Variants in DLGAP2 observed in about 807,000 individuals in gnomAD.
DLGAP2 encodes the protein DLG associated protein 2.
DLGAP2 carries 26 observed loss-of-function variants against 100.3 expected under a neutral mutation model. That is an observed-to-expected ratio of 0.26 (90% CI 0.19 to 0.36). DLGAP2 has a LOEUF of 0.36. Among genes scored for constraint, DLGAP2 ranks in the 10% least tolerant of loss-of-function variants. DLGAP2 has a pLI of 1.00. For synonymous variants in DLGAP2, 886 were observed against 630.1 expected (o/e 1.41, Z -6.08); for missense variants, 1,858 against 1,453.2 (o/e 1.28, Z -4.53).
At chr8:1,669,085 G>C (rs1288130653) in intron 9 of DLGAP2, among the ~76,000 whole-genome samples, 1 of 152,220 alleles carries the variant, frequency 6.6e-6, no homozygotes, top group Non-Finnish European at 1.5e-5. Flanking sequence ...TGTGGCCAAA[G>C]AATTGAGTGG....
intron 3 of DLGAP2, among the ~76,000 whole-genome samples, chr8:1,431,388 G>A (rs1797431294): frequency 6.6e-6 from 1 of 152,222 alleles, no homozygotes; most frequent in Admixed American, 6.5e-5. Context: ...TCTGATCCAT[G>A]CTGACAACCT....
intron 3 of DLGAP2, among the ~76,000 whole-genome samples, chr8:1,452,927 T>G (rs904421910): frequency 5.3e-5 from 8 of 152,176 alleles, no homozygotes; most frequent in African/African-American, 1.9e-4. Flanking sequence ...GCCCCCACCA[T>G]GCAGTGGATC....
At chr8:815,783 G>C (rs1455083661) in intron 1 of DLGAP2, among the ~76,000 whole-genome samples, 1 of 152,190 alleles carries the variant, frequency 6.6e-6, no homozygotes, top group African/African-American at 2.4e-5. Flanking sequence ...ATACTGAAAG[G>C]AGGACAAGAG....
intron 1 of DLGAP2, among the ~76,000 whole-genome samples, chr8:835,925 C>G (rs2132708280): frequency 6.6e-6 from 1 of 152,254 alleles, no homozygotes; most frequent in East Asian, 1.9e-4. Context: ...GTGTATCCAT[C>G]CCTTCATGTA....
chr8:1,366,202 G>A (rs976046263), intron 3 of DLGAP2, among the ~76,000 whole-genome samples: 12 of 152,296 alleles, frequency 7.9e-5, no homozygotes, highest in African/African-American at 2.9e-4. Flanking sequence ...ATTCTAATGT[G>A]CTGCTTTCTG....
intron 2 of DLGAP2, among the ~76,000 whole-genome samples, chr8:1,182,463 C>T (rs779468116): frequency 1.2e-4 from 19 of 152,030 alleles, no homozygotes; most frequent in Non-Finnish European, 2.2e-4. Flanking sequence ...ATGTGGGTTG[C>T]TGAATTCTCG....
intron 8 of DLGAP2, among the ~76,000 whole-genome samples, chr8:1,658,115 A>C (rs1174036987): frequency 6.6e-6 from 1 of 152,110 alleles, no homozygotes; most frequent in African/African-American, 2.4e-5. Flanking sequence ...GTTCGCAAAA[A>C]GACTGGCCCT....
chr8:1,682,341 G>A (rs1331467955), intron 12 of DLGAP2, among the ~76,000 whole-genome samples: 2 of 152,198 alleles, frequency 1.3e-5, no homozygotes, highest in African/African-American at 2.4e-5. Flanking sequence ...GTCATGGTAA[G>A]TCCTGGTTTT....
At position 1,067,575 on chromosome 8, in the gene DLGAP2, G is replaced by A. The variant is rs141178812; in HGVS notation, c.73+159609G>A. On this transcript the variant is annotated intron_variant, in intron 2 of 14. Coordinates refer to ENST00000637795, the MANE Select transcript of DLGAP2 (RefSeq NM_001346810.2). ...CATTTCCATGCCCATTTTCCAGATG[G>A]GAAAACCAAGACTCAGGTGGTTGAG... Among the ~76,000 whole-genome samples the A allele has an allele frequency of 4.2e-4, 64 of 150,974 alleles. 2 individuals carry two copies. The highest frequency in any genetic ancestry group is 3.4e-3 in the Middle Eastern group (1 of 292).
At chr8:839,484 A>G (rs1295651654) in intron 1 of DLGAP2, among the ~76,000 whole-genome samples, 1 of 152,224 alleles carries the variant, frequency 6.6e-6, no homozygotes, top group Admixed American at 6.5e-5. Flanking sequence ...AGAAAGACAA[A>G]TGCCACCTGT....
At chr8:791,476 A>G (rs1822024649) in intron 1 of DLGAP2, among the ~76,000 whole-genome samples, 2 of 152,324 alleles carry the variant, frequency 1.3e-5, no homozygotes, top group East Asian at 1.9e-4. Context: ...TCAAATTCCT[A>G]TCCTCCCCAC....
intron 2 of DLGAP2, among the ~76,000 whole-genome samples, chr8:1,223,675 A>G (rs916774989): frequency 2.0e-5 from 3 of 152,238 alleles, no homozygotes; most frequent in Non-Finnish European, 2.9e-5. Context: ...CTGAAAGGGA[A>G]GAGCAAGACT....
intron 2 of DLGAP2, among the ~76,000 whole-genome samples, chr8:1,012,003 T>C (rs915547587): frequency 6.6e-6 from 1 of 152,208 alleles, no homozygotes; most frequent in Non-Finnish European, 1.5e-5. Context: ...GTGGCTCAAG[T>C]CCAGGGGCAT....
chr8:1,668,362 C>A lies in DLGAP2; in HGVS notation c.1844C>A (p.Pro615Gln). The change falls in exon 9 of 15, where the codon CCA becomes CAA. Residue 615 changes from proline to glutamine, a missense_variant. Pro to Gln is a moderately conservative substitution (Grantham distance 76). Coordinates refer to ENST00000637795, the MANE Select transcript of DLGAP2 (RefSeq NM_001346810.2). ...VSYTNYKKTP[P>Q]PVPPRTTSKP... Reference sequence around the variant, plus strand: ...TATACAAATTACAAGAAAACGCCCCCACCGGTGCCCCCTCGGACCACCTCC... The same window carrying A: ...TATACAAATTACAAGAAAACGCCCCAACCGGTGCCCCCTCGGACCACCTCC... The A allele has an allele frequency of 6.5e-7, 1 of 1,548,222 alleles. No homozygotes were observed. The highest frequency in any genetic ancestry group is 8.7e-7 in the Non-Finnish European group (1 of 1,151,032).
intron 2 of DLGAP2, among the ~76,000 whole-genome samples, chr8:1,160,096 C>T (rs1425569364): frequency 4.6e-5 from 7 of 152,338 alleles, no homozygotes; most frequent in East Asian, 1.9e-4. Context: ...TCCCACAGCC[C>T]GGAAGCTGAC....
chr8:1,030,980 T>C lies in DLGAP2; in HGVS notation c.73+123014T>C, dbSNP rs187330911. Among the ~76,000 whole-genome samples, 8 of 152,334 alleles carry C rather than the reference T, an allele frequency of 5.3e-5. No homozygotes were observed. The East Asian group carries it at 1.5e-3, about 29-fold the overall frequency. On this transcript the variant is annotated intron_variant, in intron 2 of 14. Coordinates refer to ENST00000637795, the MANE Select transcript of DLGAP2 (RefSeq NM_001346810.2). ...CCGACTTCCCGGGAAACTGGCCAGT[T>C]GTTTTCATTGTATTTAGAAAATAAT... is the stretch of plus-strand genomic sequence containing the variant.
chr8:1,534,238 C>G (rs565315937), intron 4 of DLGAP2, among the ~76,000 whole-genome samples: 1 of 152,188 alleles, frequency 6.6e-6, no homozygotes, highest in Non-Finnish European at 1.5e-5. Context: ...ATTATAATTA[C>G]TTTTGTGAAG....
intron 3 of DLGAP2, among the ~76,000 whole-genome samples, chr8:1,289,714 A>G (rs1356723779): frequency 6.6e-6 from 1 of 152,044 alleles, no homozygotes; most frequent in Non-Finnish European, 1.5e-5. Flanking sequence ...CCCCGAGGCT[A>G]ATGTTGTGAG....
intron 2 of DLGAP2, among the ~76,000 whole-genome samples, chr8:1,082,600 C>T (rs1803848701): frequency 6.6e-6 from 1 of 152,230 alleles, no homozygotes. Context: ...GTGGTGGCTC[C>T]ACGCTGTGTC....
Sources: gnomAD v4.1 joint callset for allele counts (sites outside exome capture counted in the v4.1 genomes callset) on GRCh38, gnomAD v4.1.1 for gene constraint, MANE v1.5 for transcripts, NCBI Gene and HGNC (gene_info 2026-07-23, HGNC 2026-07-21) for gene names.